The following RAB33A variants were observed in gnomAD, a reference collection of about 807,000 sequenced individuals.
RAB33A encodes ras-related protein Rab-33A.
RAB33A carries 6 observed loss-of-function variants against 12.0 expected under a neutral mutation model. The observed-to-expected ratio is 0.50, with a 90% CI of 0.27 to 0.99. The LOEUF (loss-of-function observed/expected upper bound fraction) is 0.99, where lower values mean the gene tolerates loss of function less well. Among genes scored for constraint, RAB33A ranks in the 50% least tolerant of loss-of-function variants. The pLI, the probability that RAB33A is intolerant of heterozygous loss-of-function variation, is 0.11. For missense variants in RAB33A, 109 were observed against 192.0 expected (o/e 0.57, Z 2.55); for synonymous variants, 70 against 82.4 (o/e 0.85, Z 0.81).
rs994957348 is a variant in RAB33A, at chrX:130,172,399, T to A, written c.258+79T>A. ...CGAGGCATAGCTCTAGCGGTTGTCG[T>A]CGTCCAGCGTCCAGCGCGTGGCGGT... On this transcript the variant is annotated intron_variant, in intron 1 of 1. Transcript: ENST00000257017. 1.2e-4 allele frequency: 131 copies of A among 1,104,219 alleles called. No individual in the cohort carries two copies. In the Admixed American group the frequency reaches 3.9e-3, roughly 33 times the overall value. The allele number at this position is 1,104,219 out of a possible 1,213,427, so 91.0% of individuals were successfully genotyped here. A position where few individuals can be genotyped will look rare whatever the true frequency, so the allele number is the denominator to read the frequency against.
upstream of RAB33A, among the ~76,000 whole-genome samples, chrX:130,170,130 C>T (rs1041371552): frequency 1.8e-5 from 2 of 112,247 alleles, no homozygotes; most frequent in South Asian, 3.7e-4. Flanking sequence ...TAGAAATGGG[C>T]GACCCACATA....
chrX:130,137,325 G>A, the RAB33A span: 9 of 1,173,753 alleles, frequency 7.7e-6, no homozygotes, highest in Admixed American at 1.0e-4. Context: ...CCACTTACAG[G>A]ACAGTGGGCA....
At chrX:130,139,727 T>G in the RAB33A span, 32 of 1,082,778 alleles carry the variant, frequency 3.0e-5, no homozygotes, top group South Asian at 5.0e-4. Flanking sequence ...GGGTGGGCAC[T>G]TGGGGACTGC....
the RAB33A span, among the ~76,000 whole-genome samples, chrX:130,128,081 AC>A: frequency 1.8e-5 from 2 of 111,343 alleles, no homozygotes; most frequent in Non-Finnish European, 3.8e-5. Context: ...TGTTCGGTAT[AC>A]CTGTACTGCA....
chrX:130,116,412 G>A, the RAB33A span, among the ~76,000 whole-genome samples: 1 of 111,789 alleles, frequency 8.9e-6, no homozygotes, highest in African/African-American at 3.2e-5. Context: ...TCCTGCCTCA[G>A]CCTCTCAAGT....
the RAB33A span, chrX:130,139,822 C>T: frequency 8.3e-7 from 1 of 1,211,182 alleles, no homozygotes. Flanking sequence ...TTCTACTCTT[C>T]ACCTCTGCTC....
At chrX:130,119,537 C>T in the RAB33A span, among the ~76,000 whole-genome samples, 32 of 110,975 alleles carry the variant, frequency 2.9e-4, no homozygotes, top group East Asian at 8.5e-3. Context: ...GGACGTCAAG[C>T]TTTGCTGATC....
Position 130,178,330 on chromosome X carries a change from AG to A in RAB33A, c.259-5954del, listed in dbSNP as rs2031684562. On this transcript the variant is annotated intron_variant, in intron 1 of 1. Coordinates refer to ENST00000257017, the MANE Select transcript of RAB33A (RefSeq NM_004794.3). ...GAGATCTTGTCTGGAAAAGAGAGAG[AG>A]AGAGAGAGAGAAAGAGACCAGGCGT... Among the ~76,000 whole-genome samples the A allele has an allele frequency of 5.6e-5, 6 of 106,615 alleles. No homozygotes were observed. In the East Asian group the frequency reaches 1.8e-3, roughly 32 times the overall value. The allele number at this position is 106,615 out of a possible 115,157, so 92.6% of individuals were successfully genotyped here.
chrX:130,183,079 TG>T (rs1481892196), intron 1 of RAB33A, among the ~76,000 whole-genome samples: 1 of 106,811 alleles, frequency 9.4e-6, no homozygotes, highest in Admixed American at 1.0e-4. Context: ...TAATTTTTTT[TG>T]TATTTCTAGT....
chrX:130,160,272 T>C, the RAB33A span, among the ~76,000 whole-genome samples: 1 of 111,927 alleles, frequency 8.9e-6, no homozygotes, highest in Non-Finnish European at 1.9e-5. Context: ...AGCTTCAAAA[T>C]TTTAGGAAAT....
chrX:130,117,171 G>A, the RAB33A span, among the ~76,000 whole-genome samples: 8 of 112,247 alleles, frequency 7.1e-5, no homozygotes, highest in African/African-American at 1.9e-4. Flanking sequence ...CCGAGATTGT[G>A]CCACTGCACT....
chrX:130,144,712 T>G, the RAB33A span, among the ~76,000 whole-genome samples: 1 of 112,051 alleles, frequency 8.9e-6, no homozygotes, highest in East Asian at 2.8e-4. Flanking sequence ...ACTACACACC[T>G]ATGTGTTATG....
chrX:130,138,309 C>T, the RAB33A span, among the ~76,000 whole-genome samples: 121 of 109,740 alleles, frequency 1.1e-3, 1 homozygote, highest in African/African-American at 4.0e-3. Context: ...ACTAAAAATA[C>T]AAAAAATTAG....
At chrX:130,118,909 T>C in the RAB33A span, among the ~76,000 whole-genome samples, 1 of 111,713 alleles carries the variant, frequency 9.0e-6, no homozygotes, top group African/African-American at 3.3e-5. Context: ...GTGGAGGGCA[T>C]GTGCACATGT....
chrX:130,161,509 T>G, the RAB33A span, among the ~76,000 whole-genome samples: 847 of 67,349 alleles, frequency 0.013, 8 homozygotes, highest in African/African-American at 0.057. Flanking sequence ...AGACTCTGTT[T>G]GAAGAAAAAA....
chrX:130,182,350 G>A (rs1383664585), intron 1 of RAB33A, among the ~76,000 whole-genome samples: 1 of 108,424 alleles, frequency 9.2e-6, no homozygotes. Context: ...TATCACTATA[G>A]TCTCATTGCT....
chrX:130,152,144 G>A, the RAB33A span, among the ~76,000 whole-genome samples: 1 of 111,433 alleles, frequency 9.0e-6, no homozygotes, highest in Non-Finnish European at 1.9e-5. Context: ...AGAAAAAAAA[G>A]AAAAGTTTTA....
the RAB33A span, chrX:130,131,940 T>A: frequency 1.4e-6 from 1 of 733,105 alleles, no homozygotes; most frequent in African/African-American, 2.1e-5. Flanking sequence ...GGGTGCGAAC[T>A]CAGTTCATTG....
chrX:130,151,683 T>C, the RAB33A span, among the ~76,000 whole-genome samples: 14 of 112,370 alleles, frequency 1.2e-4, no homozygotes, highest in Non-Finnish European at 2.4e-4. Flanking sequence ...AGAGTTTTTA[T>C]CTTGGTATCA....
Sources: gnomAD v4.1 joint callset for allele counts (sites outside exome capture counted in the v4.1 genomes callset) on GRCh38, gnomAD v4.1.1 for gene constraint, MANE v1.5 for transcripts, NCBI Gene and HGNC (gene_info 2026-07-23, HGNC 2026-07-21) for gene names.